Variants in GPR12 observed in about 807,000 individuals in gnomAD.
GPR12 encodes G-protein coupled receptor 12.
GPR12 carries 7 observed loss-of-function variants against 18.9 expected under a neutral mutation model. The ratio of observed to expected loss-of-function variants is 0.37; its 90% CI spans 0.21 to 0.70. The LOEUF (loss-of-function observed/expected upper bound fraction) is 0.70. Among genes scored for constraint, GPR12 ranks in the 30% least tolerant of loss-of-function variants. The pLI is 0.54. For synonymous variants in GPR12, 201 were observed against 188.6 expected (o/e 1.07, Z -0.54); for missense variants, 327 against 427.7 (o/e 0.76, Z 2.08).
chr13:26,759,588 G>T lies in GPR12; in HGVS notation c.240C>A (p.Phe80Leu), dbSNP rs1412697232. 1.9e-6 allele frequency: 3 copies of T among 1,614,194 alleles called. No individual in the cohort carries two copies. Among genetic ancestry groups the T allele is most frequent in the Non-Finnish European group, 2.5e-6 (3 of 1,180,038 alleles). ...FHNPSLRAPMFLLIGSLALAD... is the reference protein window; with the variant it reads ...FHNPSLRAPMLLLIGSLALAD... ...CAAGAGCCAGGCTGCCTATTAGCAG[G>T]AACATGGGTGCTCGCAGGCTGGGGT... Residue 80 changes from phenylalanine to leucine, a missense_variant, in exon 2 of 2, where the codon TTC becomes TTA. Transcript: ENST00000405846.
intron 1 of GPR12, chr13:26,760,095 G>A (rs927458108): frequency 3.6e-5 from 14 of 393,010 alleles, no homozygotes; most frequent in African/African-American, 2.8e-4. Context: ...ACCAGCGTGA[G>A]CGAGGCAGGC....
chr13:26,760,556 G>A (rs140941221), intron 1 of GPR12, 23 bp downstream of exon 1: 286 of 151,552 alleles, frequency 1.9e-3, no homozygotes, highest in Admixed American at 3.9e-3. Context: ...CCGCGGGGGC[G>A]GGGGGGTCAT....
rs1177819003 is a variant in GPR12, at chr13:26,758,366, G to A, written c.*457C>T. On this transcript the variant is annotated 3_prime_UTR_variant, in exon 2 of 2. Transcript: ENST00000405846. ...GGTCATATTCTGTTACATACATGCA[G>A]CATTAAAAAATCTACCATCATGTAA... 1 of 148,630 alleles carries A rather than the reference G, an allele frequency of 6.7e-6. No homozygotes were observed. Among genetic ancestry groups the A allele is most frequent in the South Asian group, 2.1e-4 (1 of 4,820 alleles). The allele number at this position is 148,630 out of a possible 1,614,324, so 9.2% of individuals were successfully genotyped here. A position where few individuals can be genotyped will look rare whatever the true frequency, so the allele number is the denominator to read the frequency against.
In GPR12 at chr13:26,755,988, T is replaced by C. The variant is rs1884366150; in HGVS notation, c.*2835A>G. On this transcript the variant is annotated 3_prime_UTR_variant, in exon 2 of 2. Coordinates refer to ENST00000405846, the MANE Select transcript of GPR12 (RefSeq NM_005288.4). ...ACATACACATATGTACATTGAGATG[T>C]GTGCACATTTAAAAATAATTAGCTC... is the stretch of plus-strand genomic sequence containing the variant. The C allele has an allele frequency of 1.3e-5, 2 of 152,192 alleles. No homozygotes were observed. The highest frequency in any genetic ancestry group is 4.8e-5 in the African/African-American group (2 of 41,448). 9.4% of individuals were successfully genotyped at this position (152,192 alleles called of 1,614,324 possible).
rs190794721 is a variant in GPR12, at chr13:26,758,049, T to C, written c.*774A>G. 2.7e-3 allele frequency: 404 copies of C among 152,342 alleles called. 1 individual carries two copies. The highest frequency in any genetic ancestry group is 8.6e-3 in the African/African-American group (356 of 41,590). 9.4% of individuals were successfully genotyped at this position (152,342 alleles called of 1,614,324 possible). A position where few individuals can be genotyped will look rare whatever the true frequency, so the allele number is the denominator to read the frequency against. On this transcript the variant is annotated 3_prime_UTR_variant, in exon 2 of 2. Coordinates refer to ENST00000405846, the MANE Select transcript of GPR12 (RefSeq NM_005288.4). ...TCAAAACCTACTTCAGGATTCATTT[T>C]AGAAAGTACATATTGGAAAACTATA...
In GPR12 at chr13:26,758,867, G is replaced by A. The variant is rs775424334; in HGVS notation, c.961C>T (p.Pro321Ser). Residue 321 changes from proline (P) to serine (S), a missense_variant, in exon 2 of 2, where the codon CCG becomes TCG. Physicochemically the swap from Pro to Ser is moderately conservative, Grantham distance 74 (BLOSUM62 -1). Coordinates refer to ENST00000405846, the MANE Select transcript of GPR12 (RefSeq NM_005288.4). ...ALCLICCGCI[P>S]SSLAQRARSP... ...CGCGCTCTCTGGGCGAGACTGGACG[G>A]GATGCAGCCGCAGCAAATGAGACAG... 7 of 1,613,772 alleles carry A rather than the reference G, an allele frequency of 4.3e-6. No individual in the cohort carries two copies. Among genetic ancestry groups the A allele is most frequent in the Non-Finnish European group, 5.9e-6 (7 of 1,179,816 alleles).
Position 26,759,719 on chromosome 13 carries a change from C to G in GPR12, c.109G>C (p.Glu37Gln), listed in dbSNP as rs369035674. ...TTGACTACGAGCTCAGGCTCTGGCT[C>G]TACGGCAGGAACCCGGGAGGAGACA... ...AAVSSRVPAV[E>Q]PEPELVVNPW... Residue 37 changes from glutamate to glutamine, a missense_variant, in exon 2 of 2, where the codon GAG becomes CAG. By Grantham distance (29) the Glu-to-Gln change is conservative. Coordinates refer to ENST00000405846, the MANE Select transcript of GPR12 (RefSeq NM_005288.4). 6.2e-6 allele frequency: 10 copies of G among 1,613,672 alleles called. No homozygotes were observed. The highest frequency in any genetic ancestry group is 8.5e-6 in the Non-Finnish European group (10 of 1,179,706).
At position 26,755,201 on chromosome 13, in the gene GPR12, T is replaced by G. The variant is rs182970656; in HGVS notation, c.*3622A>C. On this transcript the variant is annotated 3_prime_UTR_variant, in exon 2 of 2. Transcript: ENST00000405846. ...GAAACATTCAATAATTATGACAAAT[T>G]TTAAAGGGGACAATAAGGCAGTCTT... is the stretch of plus-strand genomic sequence containing the variant. 29 of 152,262 alleles carry G rather than the reference T, an allele frequency of 1.9e-4. No individual in the cohort carries two copies. The highest frequency in any genetic ancestry group is 7.0e-4 in the African/African-American group (29 of 41,532). 9.4% of individuals were successfully genotyped at this position (152,262 alleles called of 1,614,324 possible).
At position 26,759,402 on chromosome 13, in the gene GPR12, C is replaced by T. The variant is rs1351824831; in HGVS notation, c.426G>A (p.Leu142=). 6.2e-7 allele frequency: 1 copy of T among 1,613,944 alleles called. No individual in the cohort carries two copies. The highest frequency in any genetic ancestry group is 1.3e-5 in the African/African-American group (1 of 74,984). ...LAITVDRYLS[L]YYALTYHSER... ...CCGAATGGTACGTCAGAGCGTAGTA[C>T]AGTGAGAGGTAGCGGTCAACAGTGA... Residue 142 remains leucine (L), a synonymous_variant, in exon 2 of 2, where the codon CTG becomes CTA. Transcript: ENST00000405846.
chr13:26,760,466 C>G (rs1379676071), intron 1 of GPR12, 113 bp downstream of exon 1: 1 of 151,596 alleles, frequency 6.6e-6, no homozygotes, highest in Non-Finnish European at 1.5e-5. Flanking sequence ...GACAGATGCC[C>G]ATGCACTGCT....
rs1884448220 is a variant in GPR12, at chr13:26,759,772, G to C, written c.56C>G (p.Ala19Gly). ...AGCCGAGATGTTCTCCGCAGCAGCG[G>C]CATCTAAATAATCCCGAGGCAGCCC... ...LSGLPRDYLD[A>G]AAAENISAAV... Residue 19 changes from alanine (A) to glycine (G), a missense_variant, in exon 2 of 2, where the codon GCC (alanine) becomes GGC (glycine). Transcript: ENST00000405846. 2 of 1,608,614 alleles carry C rather than the reference G, an allele frequency of 1.2e-6. No individual in the cohort carries two copies. Among genetic ancestry groups the C allele is most frequent in the Admixed American group, 3.3e-5 (2 of 59,818 alleles).
rs944549969 is a variant in GPR12 at position 26,757,768 on chromosome 13, C to T, written c.*1055G>A. On this transcript the variant is annotated 3_prime_UTR_variant, in exon 2 of 2. Coordinates refer to ENST00000405846, the MANE Select transcript of GPR12 (RefSeq NM_005288.4). ...CATTATGCACCACAGACAGTATGAACCAGAAAAACTTGGCCTATAATATTT... is the reference window on the plus strand; with the variant it reads ...CATTATGCACCACAGACAGTATGAATCAGAAAAACTTGGCCTATAATATTT... 2 of 152,118 alleles carry T rather than the reference C, an allele frequency of 1.3e-5. No individual in the cohort carries two copies. The highest frequency in any genetic ancestry group is 2.9e-5 in the Non-Finnish European group (2 of 68,028). 9.4% of individuals were successfully genotyped at this position (152,118 alleles called of 1,614,324 possible).
chr13:26,760,134 A>G (rs1263826628), intron 1 of GPR12: 3 of 296,894 alleles, frequency 1.0e-5, no homozygotes, highest in African/African-American at 6.4e-5. Flanking sequence ...GTCTGTTTGC[A>G]ACAGCGCTGG....
rs9507784 is a variant in GPR12, at chr13:26,758,353, T to C, written c.*470A>G. 3,021 of 157,216 alleles carry C rather than the reference T, an allele frequency of 0.019. 34 individuals are homozygous for C. Among genetic ancestry groups the C allele is most frequent in the Non-Finnish European group, 0.028 (1,986 of 71,240 alleles). 9.7% of individuals were successfully genotyped at this position (157,216 alleles called of 1,614,324 possible). On this transcript the variant is annotated 3_prime_UTR_variant, in exon 2 of 2. Transcript: ENST00000405846. ...TTGGATTGAAAGGGGTCATATTCTG[T>C]TACATACATGCAGCATTAAAAAATC...
rs773041622 is a variant in GPR12 at position 26,759,492 on chromosome 13, G to C, written c.336C>G (p.Thr112=). Residue 112 remains threonine (T), a synonymous_variant, in exon 2 of 2, where the codon ACC becomes ACG. Coordinates refer to ENST00000405846, the MANE Select transcript of GPR12 (RefSeq NM_005288.4). ...VFAYLLQSEA[T]KLVTIGLIVA... ...CAATGAGGCCGATCGTGACCAGCTTGGTGGCTTCTGACTGAAGCAGGTAGG... is the reference window on the plus strand; with the variant it reads ...CAATGAGGCCGATCGTGACCAGCTTCGTGGCTTCTGACTGAAGCAGGTAGG... 3 of 1,614,168 alleles carry C rather than the reference G, an allele frequency of 1.9e-6. No homozygotes were observed. The highest frequency in any genetic ancestry group is 2.2e-5 in the South Asian group (2 of 91,066).
At position 26,759,307 on chromosome 13, in the gene GPR12, A is replaced by T; in HGVS notation, c.521T>A (p.Leu174Gln). ...LWGTSICLGL[L>Q]PVMGWNCLRD... ...GAGGCAGTTCCAGCCCATGACGGGC[A>T]GCAGCCCCAGGCAGATGGAGGTCCC... The change falls in exon 2 of 2, where the codon CTG becomes CAG. Residue 174 changes from leucine to glutamine, a missense_variant. By Grantham distance (113) the Leu-to-Gln change is moderately radical (BLOSUM62 -2). Coordinates refer to ENST00000405846, the MANE Select transcript of GPR12 (RefSeq NM_005288.4). 6.2e-7 allele frequency: 1 copy of T among 1,613,312 alleles called. No homozygotes were observed. Among genetic ancestry groups the T allele is most frequent in the Non-Finnish European group, 8.5e-7 (1 of 1,180,010 alleles).
Position 26,758,727 on chromosome 13 carries a change from G to A in GPR12, c.*96C>T. 1 of 1,481,406 alleles carries A rather than the reference G, an allele frequency of 6.8e-7. No homozygotes were observed. Among genetic ancestry groups the A allele is most frequent in the Non-Finnish European group, 9.0e-7 (1 of 1,115,606 alleles). The allele number at this position is 1,481,406 out of a possible 1,614,324, so 91.8% of individuals were successfully genotyped here. ...GCTAAGTGCTCCTGTGGCTTGAGAG[G>A]GAATCCAATGCAAGGAATTCAAGGG... On this transcript the variant is annotated 3_prime_UTR_variant, in exon 2 of 2. Coordinates refer to ENST00000405846, the MANE Select transcript of GPR12 (RefSeq NM_005288.4).
Position 26,757,920 on chromosome 13 carries a change from ACT to A in GPR12, c.*901_*902del, listed in dbSNP as rs1308231968. ...GAATATATTAAAATAAATTTAATCTACTCTCAATTGCTAATATTTTTTCCTTT... is the reference window on the plus strand; with the variant it reads ...GAATATATTAAAATAAATTTAATCTACTCAATTGCTAATATTTTTTCCTTT... On this transcript the variant is annotated 3_prime_UTR_variant, in exon 2 of 2. Coordinates refer to ENST00000405846, the MANE Select transcript of GPR12 (RefSeq NM_005288.4). 12 of 152,302 alleles carry A rather than the reference ACT, an allele frequency of 7.9e-5. No homozygotes were observed. The highest frequency in any genetic ancestry group is 2.9e-4 in the African/African-American group (12 of 41,566). The allele number at this position is 152,302 out of a possible 1,614,324, so 9.4% of individuals were successfully genotyped here.
chr13:26,758,816 A>G lies in GPR12; in HGVS notation c.*7T>C. The G allele has an allele frequency of 6.3e-7, 1 of 1,593,580 alleles. No individual in the cohort carries two copies. The highest frequency in any genetic ancestry group is 8.6e-7 in the Non-Finnish European group (1 of 1,167,126). ...GTAAATGCAGAGTCCTCCTGGGTGCAAGGGTGCTACACATCACTGGGCGAG... is the reference window on the plus strand; with the variant it reads ...GTAAATGCAGAGTCCTCCTGGGTGCGAGGGTGCTACACATCACTGGGCGAG... On this transcript the variant is annotated 3_prime_UTR_variant, in exon 2 of 2. Coordinates refer to ENST00000405846, the MANE Select transcript of GPR12 (RefSeq NM_005288.4).
Sources: gnomAD v4.1 joint callset for allele counts on GRCh38, gnomAD v4.1.1 for gene constraint, MANE v1.5 for transcripts, NCBI Gene and HGNC (gene_info 2026-07-23, HGNC 2026-07-21) for gene names.